BAZ2B: variants seen among roughly 807,000 people sequenced by gnomAD.
BAZ2B encodes the protein bromodomain adjacent to zinc finger domain protein 2B.
A neutral mutation model predicts 246.0 loss-of-function variants in BAZ2B; 91 were observed. That is an observed-to-expected ratio of 0.37 (90% CI 0.31 to 0.44). The LOEUF (loss-of-function observed/expected upper bound fraction) is 0.44, where lower values mean the gene tolerates loss of function less well. Among genes scored for constraint, BAZ2B ranks in the 20% least tolerant of loss-of-function variants. The probability of loss-of-function intolerance (pLI) is 1.00; values close to 1 mark genes in which losing one functional copy is unlikely to be tolerated. For missense variants in BAZ2B, 2,332 were observed against 2,533.7 expected (o/e 0.92, Z 1.71); for synonymous variants, 855 against 860.0 (o/e 0.99, Z 0.10).
intron 13 of BAZ2B, among the ~76,000 whole-genome samples, chr2:159,413,470 G>A (rs984999949): frequency 6.6e-6 from 1 of 152,168 alleles, no homozygotes; most frequent in Admixed American, 6.6e-5. Flanking sequence ...CACTTTGGGA[G>A]GCCGAGGCAG....
rs181952504 is a variant in BAZ2B, at chr2:159,593,954, T to C, written c.-46+22288A>G. On this transcript the variant is annotated intron_variant, in intron 1 of 36. Transcript: ENST00000392783. ...GAAATTAGAGATCGAGCACATACTT[T>C]AACCATTTTTAAGTGTACAATTAGC... 6.6e-5 allele frequency among the ~76,000 whole-genome samples: 10 copies of C among 152,328 alleles called. No individual in the cohort carries two copies. In the East Asian group the frequency reaches 1.7e-3, roughly 26 times the overall value.
the BAZ2B span, among the ~76,000 whole-genome samples, chr2:159,677,334 T>A: frequency 7.9e-5 from 12 of 152,116 alleles, no homozygotes; most frequent in Non-Finnish European, 1.8e-4. Flanking sequence ...AACACAATGA[T>A]ATTTTGTTTC....
chr2:159,433,176 G>C lies in BAZ2B; in HGVS notation c.1481C>G (p.Pro494Arg). ...LTNALLGNHQPNGVIQSVIQE... is the reference protein window; with the variant it reads ...LTNALLGNHQRNGVIQSVIQE... ...AATGACACTTTGAATAACTCCATTT[G>C]GTTGGTGATTACCTAAAAGTGCATT... The change falls in exon 9 of 37, where the codon CCA (proline) becomes CGA (arginine). Residue 494 changes from proline (P) to arginine (R), a missense_variant. Around this residue, in one of 9 missense-constraint regions of BAZ2B, gnomAD observed 651 missense variants for 650.9 expected, o/e 1.00. Coordinates refer to ENST00000392783, the MANE Select transcript of BAZ2B (RefSeq NM_013450.4). 3 of 1,614,142 alleles carry C rather than the reference G, an allele frequency of 1.9e-6. No homozygotes were observed. The highest frequency in any genetic ancestry group is 2.5e-6 in the Non-Finnish European group (3 of 1,180,004).
At chr2:159,332,796 T>C in intron 33 of BAZ2B, 110 bp from the exon 34 acceptor site, 2 of 1,272,102 alleles carry the variant, frequency 1.6e-6, no homozygotes, top group African/African-American at 1.5e-5. Flanking sequence ...AACATTCCGC[T>C]TGCTTACAAA....
At chr2:159,389,900 C>T (rs974675079) in intron 20 of BAZ2B, among the ~76,000 whole-genome samples, 5 of 151,610 alleles carry the variant, frequency 3.3e-5, no homozygotes, top group Non-Finnish European at 7.4e-5. Context: ...TAAGACAGCA[C>T]CTGTGAGGAA....
At chr2:159,571,475 T>C (rs908908544) in intron 1 of BAZ2B, among the ~76,000 whole-genome samples, 16 of 152,124 alleles carry the variant, frequency 1.1e-4, no homozygotes, top group Non-Finnish European at 2.1e-4. Context: ...AAACAGATGA[T>C]TTATGGGGTG....
chr2:159,589,915 G>C (rs772317964), intron 1 of BAZ2B, among the ~76,000 whole-genome samples: 2 of 152,030 alleles, frequency 1.3e-5, no homozygotes, highest in Non-Finnish European at 2.9e-5. Context: ...GGCCGGGCCC[G>C]ATGGTTCACG....
chr2:159,659,314 G>A, the BAZ2B span, among the ~76,000 whole-genome samples: 2 of 152,164 alleles, frequency 1.3e-5, no homozygotes, highest in Non-Finnish European at 2.9e-5. Flanking sequence ...CCAATTATCT[G>A]TGTGTGGGTT....
At chr2:159,541,259 C>CTTATTATTATTA (rs56310950) in intron 2 of BAZ2B, among the ~76,000 whole-genome samples, 59 of 148,332 alleles carry the variant, frequency 4.0e-4, no homozygotes, top group Admixed American at 6.1e-4. Context: ...AACAAAAGCC[C>CTTATTATTATTA]TTATTATTAT....
At chr2:159,568,927 C>T (rs1274588845) in intron 1 of BAZ2B, among the ~76,000 whole-genome samples, 2 of 152,168 alleles carry the variant, frequency 1.3e-5, no homozygotes, top group Non-Finnish European at 2.9e-5. Flanking sequence ...TATCTTAGTA[C>T]ATGAGTTTTA....
chr2:159,587,081 CTT>C (rs879641658), intron 1 of BAZ2B, among the ~76,000 whole-genome samples: 13 of 143,938 alleles, frequency 9.0e-5, no homozygotes, highest in Non-Finnish European at 7.7e-5. Flanking sequence ...TCACCTGCAA[CTT>C]TTTTTTTTTT....
At chr2:159,512,893 A>G (rs942225063) in intron 2 of BAZ2B, among the ~76,000 whole-genome samples, 1 of 152,194 alleles carries the variant, frequency 6.6e-6, no homozygotes, top group Non-Finnish European at 1.5e-5. Context: ...GTTACACTAC[A>G]GAATGATAAC....
the BAZ2B span, chr2:159,694,618 GATA>G: frequency 6.6e-6 from 1 of 152,218 alleles, no homozygotes; most frequent in African/African-American, 2.4e-5. Context: ...CATCTCTAAT[GATA>G]ATGTTTTCAA....
chr2:159,601,856 C>T (rs1007904016), intron 1 of BAZ2B, among the ~76,000 whole-genome samples: 2 of 152,082 alleles, frequency 1.3e-5, no homozygotes, highest in African/African-American at 4.8e-5. Flanking sequence ...GAAAAGAGTG[C>T]CCAATGTTAC....
At chr2:159,664,126 G>A in the BAZ2B span, among the ~76,000 whole-genome samples, 1 of 30,438 alleles carries the variant, frequency 3.3e-5, no homozygotes, top group Non-Finnish European at 6.4e-5. Context: ...AATATGCGGT[G>A]TTTGGTTTTT....
Position 159,570,640 on chromosome 2 carries a change from T to A in BAZ2B, c.-45-14775A>T, listed in dbSNP as rs980572385. On this transcript the variant is annotated intron_variant, in intron 1 of 36. Coordinates refer to ENST00000392783, the MANE Select transcript of BAZ2B (RefSeq NM_013450.4). ...TCCTGTCATTTATATCCCAGCACAT[T>A]TTTCACCCTTTCTCTGTCTCTGTCT... Among the ~76,000 whole-genome samples the A allele has an allele frequency of 6.4e-5, 8 of 124,876 alleles. No individual in the cohort carries two copies. The South Asian group carries it at 1.6e-3, about 25-fold the overall frequency. The allele number at this position is 124,876 out of a possible 152,430, so 81.9% of individuals were successfully genotyped here. A position where few individuals can be genotyped will look rare whatever the true frequency, so the allele number is the denominator to read the frequency against.
At chr2:159,485,934 G>A (rs1383828915) in intron 2 of BAZ2B, among the ~76,000 whole-genome samples, 1 of 151,994 alleles carries the variant, frequency 6.6e-6, no homozygotes, top group Non-Finnish European at 1.5e-5. Context: ...AAAAGCAGTG[G>A]TTTTCATATT....
chr2:159,629,877 T>C, the BAZ2B span, among the ~76,000 whole-genome samples: 1 of 152,078 alleles, frequency 6.6e-6, no homozygotes, highest in Non-Finnish European at 1.5e-5. Context: ...ACATATACAG[T>C]ATGAAGCACT....
chr2:159,708,695 C>T, the BAZ2B span, among the ~76,000 whole-genome samples: 2 of 152,022 alleles, frequency 1.3e-5, no homozygotes, highest in Non-Finnish European at 2.9e-5. Context: ...CTGCCTCAGC[C>T]TCCCAAGTAG....
Sources: gnomAD v4.1 joint callset for allele counts (sites outside exome capture counted in the v4.1 genomes callset) on GRCh38, gnomAD v4.1.1 for gene constraint, gnomAD v4.1.1 regional missense constraint, MANE v1.5 for transcripts, NCBI Gene and HGNC (gene_info 2026-07-23, HGNC 2026-07-21) for gene names.